FLT1: variants seen among roughly 807,000 people sequenced by gnomAD.
The protein encoded by FLT1 is vascular endothelial growth factor receptor 1.
A neutral mutation model predicts 156.3 loss-of-function variants in FLT1; 49 were observed. That is an observed-to-expected ratio of 0.31 (90% CI 0.25 to 0.40). The LOEUF is 0.40. FLT1 is among the 10% of genes least tolerant of loss of function. The pLI is 1.00. For missense variants in FLT1, 1,322 were observed against 1,637.2 expected (o/e 0.81, Z 3.32); for synonymous variants, 594 against 583.8 (o/e 1.02, Z -0.25).
intron 3 of FLT1, among the ~76,000 whole-genome samples, chr13:28,449,134 T>G (rs1193391664): frequency 6.6e-6 from 1 of 152,138 alleles, no homozygotes; most frequent in Non-Finnish European, 1.5e-5. Flanking sequence ...ATTTTAAAAA[T>G]TAGCTGGGCA....
intron 16 of FLT1, among the ~76,000 whole-genome samples, chr13:28,342,050 T>G (rs2138855052): frequency 6.6e-6 from 1 of 152,178 alleles, no homozygotes; most frequent in South Asian, 2.1e-4. Flanking sequence ...GCCCAGCTAA[T>G]TTTTGTATTC....
chr13:28,387,524 C>T (rs1874431806), intron 13 of FLT1: 1 of 1,062,040 alleles, frequency 9.4e-7, no homozygotes, highest in South Asian at 4.6e-5. Flanking sequence ...TGCTGGTTAT[C>T]AGTAGCCAAA....
intron 10 of FLT1, among the ~76,000 whole-genome samples, chr13:28,418,977 T>C (rs933373439): frequency 6.6e-6 from 1 of 152,220 alleles, no homozygotes; most frequent in African/African-American, 2.4e-5. Flanking sequence ...CGTAAAACTG[T>C]TGTTCAGATT....
chr13:28,396,341 C>T (rs1360781296), intron 12 of FLT1, among the ~76,000 whole-genome samples: 1 of 152,174 alleles, frequency 6.6e-6, no homozygotes, highest in African/African-American at 2.4e-5. Context: ...ATACTTTGAG[C>T]TACTTACTTC....
rs188521838 is a variant in FLT1 at position 28,323,157 on chromosome 13, C to T, written c.2797-211G>A. On this transcript the variant is annotated intron_variant, in intron 20 of 29. Coordinates refer to ENST00000282397, the MANE Select transcript of FLT1 (RefSeq NM_002019.4). ...TTGTGCTCTTGCCTGGGCTTCTAGA[C>T]AGCATCTTAGATCAGATAAAAAAAA... Among the ~76,000 whole-genome samples the T allele has an allele frequency of 3.8e-3, 581 of 151,482 alleles. 2 individuals carry two copies. The highest frequency in any genetic ancestry group is 5.2e-3 in the Non-Finnish European group (355 of 67,980).
chr13:28,412,272 C>T (rs1422226440), intron 10 of FLT1, among the ~76,000 whole-genome samples: 3 of 152,160 alleles, frequency 2.0e-5, no homozygotes, highest in Non-Finnish European at 4.4e-5. Context: ...AATCTGCAAA[C>T]ACTATCTTTC....
intron 3 of FLT1, 82 bp from the exon 4 acceptor site, chr13:28,438,427 G>C: frequency 1.9e-6 from 2 of 1,078,922 alleles, no homozygotes; most frequent in Non-Finnish European, 2.8e-6. Flanking sequence ...GTGTGGTATG[G>C]TAGGCATTGC....
At chr13:28,389,188 T>G (rs1874550684) in intron 13 of FLT1, 1 of 1,087,034 alleles carries the variant, frequency 9.2e-7, no homozygotes, top group Admixed American at 5.1e-5. Flanking sequence ...GCATTATAAC[T>G]TGCTATCCAG....
chr13:28,360,202 A>T (rs993572550), intron 14 of FLT1, among the ~76,000 whole-genome samples: 1 of 152,238 alleles, frequency 6.6e-6, no homozygotes, highest in Admixed American at 6.5e-5. Flanking sequence ...GTTGATGAGG[A>T]TGTGGAAAGA....
Position 28,454,089 on chromosome 13 carries a change from CCT to C in FLT1, c.388+12812_388+12813del, listed in dbSNP as rs1336032737. ...AGGCAGAGCACCCCCAGTCCACACC[CCT>C]CTTACTGCTCTTTCCCCAGTATGGT... On this transcript the variant is annotated intron_variant, in intron 3 of 29. Coordinates refer to ENST00000282397, the MANE Select transcript of FLT1 (RefSeq NM_002019.4). 4.6e-5 allele frequency among the ~76,000 whole-genome samples: 7 copies of C among 152,198 alleles called. No homozygotes were observed. The East Asian group carries it at 1.4e-3, about 29-fold the overall frequency.
At chr13:28,350,908 C>T (rs534096489) in intron 15 of FLT1, among the ~76,000 whole-genome samples, 5 of 150,924 alleles carry the variant, frequency 3.3e-5, no homozygotes, top group African/African-American at 1.2e-4. Context: ...TCCTTCTTTC[C>T]TTCCTTCCCT....
intron 10 of FLT1, among the ~76,000 whole-genome samples, chr13:28,425,426 G>A (rs1212626062): frequency 6.6e-6 from 1 of 152,134 alleles, no homozygotes; most frequent in Non-Finnish European, 1.5e-5. Flanking sequence ...ACACAGAAGA[G>A]AGATCCCTTA....
At chr13:28,430,760 C>A (rs1462839783) in intron 7 of FLT1, among the ~76,000 whole-genome samples, 1 of 152,068 alleles carries the variant, frequency 6.6e-6, no homozygotes, top group Non-Finnish European at 1.5e-5. Context: ...ATTTAGCATA[C>A]CATATTTTTA....
chr13:28,449,381 G>T (rs1204495257), intron 3 of FLT1, among the ~76,000 whole-genome samples: 1 of 152,118 alleles, frequency 6.6e-6, no homozygotes, highest in Non-Finnish European at 1.5e-5. Flanking sequence ...GGTGTGTGTG[G>T]GTATTATAGT....
intron 1 of FLT1, among the ~76,000 whole-genome samples, chr13:28,480,850 G>T (rs948971394): frequency 6.6e-6 from 1 of 152,162 alleles, no homozygotes; most frequent in Non-Finnish European, 1.5e-5. Context: ...TACATACCCA[G>T]GTCACGTTGT....
chr13:28,420,811 G>A (rs950541957), intron 10 of FLT1, among the ~76,000 whole-genome samples: 1 of 152,160 alleles, frequency 6.6e-6, no homozygotes, highest in South Asian at 2.1e-4. Context: ...CCACTGATGC[G>A]CCAAACTATG....
intron 23 of FLT1, among the ~76,000 whole-genome samples, chr13:28,320,457 G>A (rs550454456): frequency 8.5e-5 from 13 of 152,072 alleles, no homozygotes; most frequent in East Asian, 5.8e-4. Context: ...TTCCTGGCCC[G>A]CGGGCCACAT....
At chr13:28,313,271 G>A (rs1297143573) in intron 25 of FLT1, among the ~76,000 whole-genome samples, 5 of 152,092 alleles carry the variant, frequency 3.3e-5, no homozygotes, top group African/African-American at 1.2e-4. Context: ...GAGCCACTGC[G>A]CCCGGCCTCT....
intron 3 of FLT1, among the ~76,000 whole-genome samples, chr13:28,459,479 A>G (rs570638164): frequency 0.067 from 10,173 of 152,224 alleles, 1,138 homozygotes; most frequent in African/African-American, 0.23. Context: ...AGGTGAGATG[A>G]GTAAGGGAGG....
Sources: allele counts gnomAD v4.1 joint callset (sites outside exome capture counted in the v4.1 genomes callset), GRCh38; gene constraint gnomAD v4.1.1; transcripts MANE v1.5; gene names NCBI Gene and HGNC (gene_info 2026-07-23, HGNC 2026-07-21).